Variants in MRPL58 observed in about 807,000 individuals in gnomAD.
MRPL58 encodes mitochondrial ribosomal protein L58.
MRPL58 carries 17 observed loss-of-function variants against 26.0 expected under a neutral mutation model. That is an observed-to-expected ratio of 0.65 (90% CI 0.45 to 0.98). The LOEUF is 0.98. MRPL58 is among the 50% of genes least tolerant of loss of function. The pLI is 0.00. For synonymous variants in MRPL58, 100 were observed against 99.7 expected, an observed-to-expected ratio of 1.00 and a Z score of -0.02; for missense variants, 250 against 269.0, an observed-to-expected ratio of 0.93 and a Z score of 0.49.
In MRPL58 at chr17:75,020,539, A is replaced by G. The variant is rs1334007900; in HGVS notation, c.418A>G (p.Ser140Gly). Reference protein sequence around the residue: ...LGELILTSESSRYQFRNLADC... With the variant: ...LGELILTSESGRYQFRNLADC... The stretch of plus-strand genomic sequence containing the variant: ...AGAGTTGATCCTCACCTCTGAGAGC[A>G]GCCGCTATCAGTTCCGGAATCTGGC... The change falls in exon 5 of 6, where the codon AGC becomes GGC. Residue 140 changes from serine (S) to glycine (G), a missense_variant. Transcript: ENST00000301585. 7 of 1,613,798 alleles carry G rather than the reference A, an allele frequency of 4.3e-6. No individual in the cohort carries two copies. Among genetic ancestry groups the G allele is most frequent in the Non-Finnish European group, 5.1e-6 (6 of 1,179,772 alleles).
intron 1 of MRPL58, among the ~76,000 whole-genome samples, chr17:75,015,219 G>A (rs1018355006): frequency 7.9e-5 from 12 of 152,230 alleles, no homozygotes; most frequent in African/African-American, 2.9e-4. Context: ...AGGCGCAGTG[G>A]CTCATGCCTA....
chr17:75,019,580 CT>C, intron 2 of MRPL58, 119 bp from the exon 3 acceptor site: 2 of 917,446 alleles, frequency 2.2e-6, no homozygotes, highest in Non-Finnish European at 3.5e-6. Context: ...ACCCAAACTT[CT>C]TGCAGTTTTT....
Position 75,020,637 on chromosome 17 carries a change from T to C in MRPL58, c.516T>C (p.Asp172=), listed in dbSNP as rs1489719100. 2 of 1,613,916 alleles carry C rather than the reference T, an allele frequency of 1.2e-6. No individual in the cohort carries two copies. The highest frequency in any genetic ancestry group is 1.7e-5 in the Admixed American group (1 of 59,974). The change falls in exon 5 of 6, where the codon GAT becomes GAC. Residue 172 remains aspartate (D), a synonymous_variant. Coordinates refer to ENST00000301585, the MANE Select transcript of MRPL58 (RefSeq NM_001545.3). Reference sequence around the variant, plus strand: ...CACCGAAGGAGCCAACAAAAGAAGATGTTAAACTTCATAGAATCAGGTACC... The same window carrying C: ...CACCGAAGGAGCCAACAAAAGAAGACGTTAAACTTCATAGAATCAGGTACC... ...SQTPKEPTKE[D]VKLHRIRIEN...
chr17:75,014,095 C>T (rs148103709), intron 1 of MRPL58, among the ~76,000 whole-genome samples: 48 of 150,354 alleles, frequency 3.2e-4, no homozygotes, highest in African/African-American at 1.0e-3. Context: ...AGATCCTAGA[C>T]GTATTTTGGA....
chr17:75,016,698 G>A (rs776893515), intron 1 of MRPL58, among the ~76,000 whole-genome samples: 5 of 152,326 alleles, frequency 3.3e-5, no homozygotes, highest in Non-Finnish European at 5.9e-5. Flanking sequence ...CTGTGGCCCC[G>A]GAAAGAACAG....
At position 75,021,054 on chromosome 17, in the gene MRPL58, C is replaced by A; in HGVS notation, c.*49C>A. ...GCTCTTCTGGGCGTCCGGGCAGCTG[C>A]AGCTGAGAGGACTTTCACACCATAA... On this transcript the variant is annotated 3_prime_UTR_variant, in exon 6 of 6. Transcript: ENST00000301585. The A allele has an allele frequency of 8.1e-7, 1 of 1,238,048 alleles. No individual in the cohort carries two copies. The highest frequency in any genetic ancestry group is 1.2e-6 in the Non-Finnish European group (1 of 837,242). The allele number at this position is 1,238,048 out of a possible 1,614,324, so 76.7% of individuals were successfully genotyped here.
chr17:75,013,211 A>G (rs929068419), intron 1 of MRPL58, among the ~76,000 whole-genome samples: 3 of 152,208 alleles, frequency 2.0e-5, no homozygotes, highest in South Asian at 2.1e-4. Flanking sequence ...GAGGCTGCCA[A>G]GTTGTTTGCT....
chr17:75,020,110 G>A, intron 3 of MRPL58: 1 of 558,434 alleles, frequency 1.8e-6, no homozygotes, highest in East Asian at 2.9e-5. Flanking sequence ...AGGACTGGGT[G>A]CTTAGTTACT....
Position 75,012,682 on chromosome 17 carries a change from T to C in MRPL58, c.-5T>C. On this transcript the variant is annotated 5_prime_UTR_variant, in exon 1 of 6. Coordinates refer to ENST00000301585, the MANE Select transcript of MRPL58 (RefSeq NM_001545.3). ...GCCCGCCGGAAGCAGTCGCAAGACC[T>C]GAGCATGGCGGCCACCAGGTGCCTG... 1 of 1,542,700 alleles carries C rather than the reference T, an allele frequency of 6.5e-7. No homozygotes were observed. Among genetic ancestry groups the C allele is most frequent in the South Asian group, 1.2e-5 (1 of 84,064 alleles).
chr17:75,019,707 G>C lies in MRPL58; in HGVS notation c.231G>C (p.Leu77Phe), dbSNP rs10512599. 6,780 of 1,612,982 alleles carry C rather than the reference G, an allele frequency of 4.2e-3. 266 individuals are homozygous for C. In the African/African-American group the frequency reaches 0.081, roughly 19 times the overall value. The change falls in exon 3 of 6, where the codon TTG becomes TTC. Residue 77 changes from leucine to phenylalanine, a missense_variant. Transcript: ENST00000301585. ...QADSDIPLDR[L>F]TISYCRSSGP... is the part of the protein sequence containing the mutation. ...CTTTCTTCTGTTTTACAGATCGCTT[G>C]ACAATATCTTATTGTCGGAGTAGTG...
At chr17:75,016,249 C>CA (rs77469669) in intron 1 of MRPL58, among the ~76,000 whole-genome samples, 15,202 of 121,738 alleles carry the variant, frequency 0.12, 1,655 homozygotes, top group African/African-American at 0.31. Flanking sequence ...ACTAAAAATA[C>CA]AAAAAAAAAA....
chr17:75,012,791 C>T lies in MRPL58; in HGVS notation c.105C>T (p.Asp35=), dbSNP rs138081870. ...GCCGGGCGCTGCACAAGCAGAAAGA[C>T]GGCACTGAGTTCAAGAGCATCTACA... ...CPRRALHKQK[D]GTEFKSIYSL... is the part of the protein sequence containing the mutation. The change falls in exon 1 of 6, where the codon GAC becomes GAT. Residue 35 remains aspartate (D), a synonymous_variant. Coordinates refer to ENST00000301585, the MANE Select transcript of MRPL58 (RefSeq NM_001545.3). 78 of 1,610,122 alleles carry T rather than the reference C, an allele frequency of 4.8e-5. 1 individual carries two copies. The African/African-American group carries it at 9.4e-4, about 19-fold the overall frequency.
chr17:75,017,513 C>A (rs1435119373), intron 2 of MRPL58, among the ~76,000 whole-genome samples: 2 of 152,174 alleles, frequency 1.3e-5, no homozygotes, highest in Non-Finnish European at 2.9e-5. Flanking sequence ...TTTTGGGAGG[C>A]CAAGGCAGCT....
Position 75,021,032 on chromosome 17 carries a change from C to G in MRPL58, c.*27C>G. 1 of 1,505,356 alleles carries G rather than the reference C, an allele frequency of 6.6e-7. No individual in the cohort carries two copies. The highest frequency in any genetic ancestry group is 1.7e-5 in the Admixed American group (1 of 59,864). The allele number at this position is 1,505,356 out of a possible 1,614,324, so 93.2% of individuals were successfully genotyped here. ...ATCACCCTCTGCAGCTGGGAGGGCT[C>G]TTCTGGGCGTCCGGGCAGCTGCAGC... On this transcript the variant is annotated 3_prime_UTR_variant, in exon 6 of 6. Transcript: ENST00000301585.
At chr17:75,016,068 G>C (rs866215452) in intron 1 of MRPL58, among the ~76,000 whole-genome samples, 1 of 150,488 alleles carries the variant, frequency 6.6e-6, no homozygotes, top group African/African-American at 2.4e-5. Flanking sequence ...TACGGCGTGA[G>C]CCACTGCACC....
chr17:75,017,458 C>CA (rs1275413673), intron 2 of MRPL58, among the ~76,000 whole-genome samples: 63 of 152,276 alleles, frequency 4.1e-4, no homozygotes, highest in African/African-American at 1.5e-3. Flanking sequence ...ACTAAAAATA[C>CA]AAAAATTAGG....
intron 2 of MRPL58, 120 bp from the exon 3 acceptor site, chr17:75,019,580 C>G: frequency 2.2e-6 from 2 of 917,446 alleles, no homozygotes; most frequent in Non-Finnish European, 3.5e-6. Context: ...ACCCAAACTT[C>G]TTGCAGTTTT....
chr17:75,020,185 C>A, intron 3 of MRPL58, 128 bp from the exon 4 acceptor site: 3 of 731,876 alleles, frequency 4.1e-6, no homozygotes, highest in Non-Finnish European at 7.0e-6. Flanking sequence ...CCAACTTGGA[C>A]ATAGGCTACA....
At chr17:75,018,522 G>A (rs1040951521) in intron 2 of MRPL58, 9 of 152,092 alleles carry the variant, frequency 5.9e-5, no homozygotes, top group Non-Finnish European at 5.9e-5. Flanking sequence ...GTGAGCCACC[G>A]TGCCCAGCCT....
Sources: allele counts gnomAD v4.1 joint callset (sites outside exome capture counted in the v4.1 genomes callset), GRCh38; gene constraint gnomAD v4.1.1; transcripts MANE v1.5; gene names NCBI Gene and HGNC (gene_info 2026-07-23, HGNC 2026-07-21).